DSG1: variants seen among roughly 807,000 people sequenced by gnomAD.
DSG1 encodes desmoglein-1.
Under a neutral mutation model 97.5 loss-of-function variants are expected in DSG1, and 39 were observed. The ratio of observed to expected loss-of-function variants is 0.40; its 90% CI spans 0.31 to 0.52. DSG1 has a LOEUF of 0.52. Among genes scored for constraint, DSG1 ranks in the 20% least tolerant of loss-of-function variants. The pLI is 0.53. For synonymous variants in DSG1, 475 were observed against 443.4 expected, an observed-to-expected ratio of 1.07 and a Z score of -0.90; for missense variants, 1,311 against 1,295.4, an observed-to-expected ratio of 1.01 and a Z score of -0.18.
Position 31,354,564 on chromosome 18 carries a change from G to C in DSG1, c.2368G>C (p.Glu790Gln). 6.2e-7 allele frequency: 1 copy of C among 1,614,200 alleles called. No individual in the cohort carries two copies. The highest frequency in any genetic ancestry group is 8.5e-7 in the Non-Finnish European group (1 of 1,180,030). ...TEPVCLPQET[E>Q]PVVSGHPPIS... ...ACCAGTTTGCCTTCCTCAGGAAACA[G>C]AGCCCGTTGTTAGTGGACACCCACC... The change falls in exon 15 of 15, where the codon GAG becomes CAG. Residue 790 changes from glutamate (E) to glutamine (Q), a missense_variant. By Grantham distance (29) the Glu-to-Gln change is conservative. Around this residue, in one of 3 missense-constraint regions of DSG1, gnomAD observed 1,038 missense variants for 964.6 expected, o/e 1.08. Transcript: ENST00000257192.
chr18:31,344,396 G>C (rs9948963), intron 13 of DSG1, among the ~76,000 whole-genome samples: 67,262 of 151,932 alleles, frequency 0.44, 15,696 homozygotes, highest in South Asian at 0.54. Flanking sequence ...CTAAAATAGA[G>C]CCGTGCTCAT....
At chr18:31,326,499 T>C (rs2071686712) in intron 1 of DSG1, 82 bp from the exon 2 acceptor site, 6 of 1,113,592 alleles carry the variant, frequency 5.4e-6, no homozygotes, top group South Asian at 1.4e-5. Context: ...TGGTTTCATG[T>C]TGTTTTTAAA....
intron 4 of DSG1, 131 bp from the exon 5 acceptor site, chr18:31,329,761 T>C: frequency 8.7e-7 from 1 of 1,146,086 alleles, no homozygotes; most frequent in Non-Finnish European, 1.3e-6. Flanking sequence ...TGACTGTAAG[T>C]AGGGCTTGTG....
In DSG1 at chr18:31,331,555, C is replaced by T. The variant is rs548760993; in HGVS notation, c.518-146C>T. The T allele has an allele frequency of 5.5e-5, 37 of 677,516 alleles. No homozygotes were observed. In the East Asian group the frequency reaches 1.0e-3, roughly 19 times the overall value. The allele number at this position is 677,516 out of a possible 1,614,324, so 42.0% of individuals were successfully genotyped here. A position where few individuals can be genotyped will look rare whatever the true frequency, so the allele number is the denominator to read the frequency against. Reference sequence around the variant, plus strand: ...AGATATAGAAAAGAGCTAAGATATCCATATGTTGAAGGAGTAGAAAGGGAA... The same window carrying T: ...AGATATAGAAAAGAGCTAAGATATCTATATGTTGAAGGAGTAGAAAGGGAA... On this transcript the variant is annotated intron_variant, in intron 5 of 14. Coordinates refer to ENST00000257192, the MANE Select transcript of DSG1 (RefSeq NM_001942.4).
rs1221356597 is a variant in DSG1 at position 31,343,917 on chromosome 18, G to A, written c.1822-9G>A. The A allele has an allele frequency of 1.2e-6, 2 of 1,606,862 alleles. No individual in the cohort carries two copies. Among genetic ancestry groups the A allele is most frequent in the Non-Finnish European group, 1.7e-6 (2 of 1,173,684 alleles). On this transcript the variant is annotated splice_polypyrimidine_tract_variant and intron_variant, in intron 12 of 14. Transcript: ENST00000257192. ...ACTACAAATGGAAATGTTGTTTCCT[G>A]TCTTTTAGGATATAACCACTGTCAT... is the stretch of plus-strand genomic sequence containing the variant.
chr18:31,334,010 G>A lies in DSG1; in HGVS notation c.820-7G>A. The A allele has an allele frequency of 3.1e-6, 5 of 1,587,984 alleles. No individual in the cohort carries two copies. Among genetic ancestry groups the A allele is most frequent in the South Asian group, 1.1e-5 (1 of 90,244 alleles). On this transcript the variant is annotated splice_region_variant and splice_polypyrimidine_tract_variant and intron_variant, in intron 7 of 14. Coordinates refer to ENST00000257192, the MANE Select transcript of DSG1 (RefSeq NM_001942.4). Reference sequence around the variant, plus strand: ...TTTGTGCTAAGAGTTTTCACTTCTTGTTTCAGTATACCATAGAAATTCAAG... The same window carrying A: ...TTTGTGCTAAGAGTTTTCACTTCTTATTTCAGTATACCATAGAAATTCAAG...
Position 31,338,474 on chromosome 18 carries a change from T to G in DSG1, c.1405+20T>G, listed in dbSNP as rs2071769055. The G allele has an allele frequency of 8.1e-6, 13 of 1,609,820 alleles. No homozygotes were observed. The highest frequency in any genetic ancestry group is 1.1e-5 in the Non-Finnish European group (13 of 1,176,514). On this transcript the variant is annotated intron_variant, in intron 10 of 14. Coordinates refer to ENST00000257192, the MANE Select transcript of DSG1 (RefSeq NM_001942.4). Reference sequence around the variant, plus strand: ...TAGATGGTAAGAAATTAATTTACATTTTTATCTTTTCTAGAGAAAGCTGTA... The same window carrying G: ...TAGATGGTAAGAAATTAATTTACATGTTTATCTTTTCTAGAGAAAGCTGTA...
intron 4 of DSG1, among the ~76,000 whole-genome samples, chr18:31,328,631 T>A (rs1310342915): frequency 2.0e-5 from 3 of 152,160 alleles, no homozygotes; most frequent in East Asian, 3.8e-4. Flanking sequence ...TTTCCTTTTT[T>A]AAAAAATTCA....
chr18:31,338,575 C>A (rs1045229330), intron 10 of DSG1, 121 bp downstream of exon 10: 1 of 996,760 alleles, frequency 1.0e-6, no homozygotes, highest in Non-Finnish European at 1.5e-6. Context: ...TCACACTGGG[C>A]ATTATAGACT....
chr18:31,328,110 C>A, intron 3 of DSG1, 79 bp from the exon 4 acceptor site: 1 of 1,495,954 alleles, frequency 6.7e-7, no homozygotes, highest in African/African-American at 1.4e-5. Flanking sequence ...CATGCAACAA[C>A]TCTCAAGAAA....
At chr18:31,350,948 T>C (rs2071890773) in intron 14 of DSG1, among the ~76,000 whole-genome samples, 1 of 150,390 alleles carries the variant, frequency 6.6e-6, no homozygotes, top group Non-Finnish European at 1.5e-5. Flanking sequence ...TTTTGAAGGG[T>C]TTTTTGTGTC....
At position 31,346,132 on chromosome 18, in the gene DSG1, A is replaced by G; in HGVS notation, c.2034A>G (p.Arg678=). 1 of 1,613,954 alleles carries G rather than the reference A, an allele frequency of 6.2e-7. No homozygotes were observed. The highest frequency in any genetic ancestry group is 8.5e-7 in the Non-Finnish European group (1 of 1,179,878). ...AAGAATACTCTGGAACATTAAGAAG[A>G]AATTCTATGAGGGAATGTAGAGAAG... is the stretch of plus-strand genomic sequence containing the variant. ...ICQEYSGTLR[R]NSMRECREGG... is the part of the protein sequence containing the mutation. The change falls in exon 14 of 15, where the codon AGA becomes AGG. Residue 678 remains arginine (R), a synonymous_variant. Coordinates refer to ENST00000257192, the MANE Select transcript of DSG1 (RefSeq NM_001942.4).
chr18:31,350,523 G>T (rs1484629882), intron 14 of DSG1, among the ~76,000 whole-genome samples: 2 of 150,756 alleles, frequency 1.3e-5, no homozygotes, highest in African/African-American at 2.5e-5. Context: ...CTATTGATTG[G>T]AATAGTTTCA....
chr18:31,343,794 T>C (rs2071807166), intron 12 of DSG1, 132 bp from the exon 13 acceptor site: 1 of 1,145,994 alleles, frequency 8.7e-7, no homozygotes, highest in Non-Finnish European at 1.3e-6. Context: ...TTTAAATGGA[T>C]TTCAGAATTT....
chr18:31,351,175 T>A (rs928981363), intron 14 of DSG1, among the ~76,000 whole-genome samples: 1 of 147,982 alleles, frequency 6.8e-6, no homozygotes. Flanking sequence ...TGTGTCTTTG[T>A]TCTCGTTGGT....
chr18:31,343,380 A>G, intron 11 of DSG1, 70 bp from the exon 12 acceptor site: 3 of 1,600,354 alleles, frequency 1.9e-6, no homozygotes, highest in South Asian at 1.1e-5. Flanking sequence ...TTAACCATAA[A>G]AAATCAGGTT....
chr18:31,348,125 C>G lies in DSG1; in HGVS notation c.2100+1927C>G, dbSNP rs552477027. 4.6e-5 allele frequency among the ~76,000 whole-genome samples: 6 copies of G among 131,180 alleles called. No homozygotes were observed. In the East Asian group the frequency reaches 1.3e-3, roughly 28 times the overall value. The allele number at this position is 131,180 out of a possible 152,430, so 86.1% of individuals were successfully genotyped here. Reference sequence around the variant, plus strand: ...CGATGCTATCCCGCCCCCCTCCCCCCACCCCACAACAGTCCCCAGAGTGTG... The same window carrying G: ...CGATGCTATCCCGCCCCCCTCCCCCGACCCCACAACAGTCCCCAGAGTGTG... On this transcript the variant is annotated intron_variant, in intron 14 of 14. Coordinates refer to ENST00000257192, the MANE Select transcript of DSG1 (RefSeq NM_001942.4).
Position 31,334,206 on chromosome 18 carries a change from T to G in DSG1, c.1005+4T>G, listed in dbSNP as rs890983739. The G allele has an allele frequency of 5.8e-6, 9 of 1,550,398 alleles. 1 individual carries two copies. Among genetic ancestry groups the G allele is most frequent in the East Asian group, 2.3e-5 (1 of 44,392 alleles). The stretch of plus-strand genomic sequence containing the variant: ...GGGAATTTTAAAGGTTGTTAAGGTA[T>G]GGTATAATTATCCTAAATATTTTGT... On this transcript the variant is annotated splice_donor_region_variant and intron_variant, in intron 8 of 14. Transcript: ENST00000257192.
intron 14 of DSG1, among the ~76,000 whole-genome samples, chr18:31,351,792 C>T (rs929097498): frequency 4.3e-4 from 66 of 151,870 alleles, no homozygotes; most frequent in Admixed American, 1.7e-3. Context: ...GGATTGCAAC[C>T]CCTGCCTTTT....
Sources: gnomAD v4.1 joint callset for allele counts (sites outside exome capture counted in the v4.1 genomes callset) on GRCh38, gnomAD v4.1.1 for gene constraint, gnomAD v4.1.1 regional missense constraint, MANE v1.5 for transcripts, NCBI Gene and HGNC (gene_info 2026-07-23, HGNC 2026-07-21) for gene names.